Variants in SMARCA2 observed in about 807,000 individuals in gnomAD.
The protein encoded by SMARCA2 is SWI/SNF related BAF chromatin remodeling complex subunit ATPase 2, also known as SWI/SNF-related matrix-associated actin-dependent regulator of chromatin subfamily A member 2.
A neutral mutation model predicts 199.8 loss-of-function variants in SMARCA2; 61 were observed. The observed-to-expected ratio is 0.31, with a 90% CI of 0.25 to 0.38. SMARCA2 has a LOEUF of 0.38. SMARCA2 is among the 10% of genes least tolerant of loss of function. SMARCA2 has a pLI of 1.00. For missense variants in SMARCA2, 1,344 were observed against 2,012.2 expected (o/e 0.67, Z 6.35); for synonymous variants, 935 against 732.0 (o/e 1.28, Z -4.48).
At position 2,161,078 on chromosome 9, in the gene SMARCA2, C is replaced by T; in HGVS notation, c.3982-608C>T. On this transcript the variant is annotated intron_variant, in intron 27 of 33. Coordinates refer to ENST00000349721, the MANE Select transcript of SMARCA2 (RefSeq NM_003070.5). The surrounding 1 kb of genome is among the most constrained non-coding windows in gnomAD (Gnocchi z 4.7). ...TTTATTGTTTGTGAGTGTGTGTGTT[C>T]TTTATCGAATGATTTAAGTGCGTTT... 6.4e-6 allele frequency: 1 copy of T among 157,070 alleles called. No homozygotes were observed. The highest frequency in any genetic ancestry group is 1.4e-5 in the Non-Finnish European group (1 of 71,066). The allele number at this position is 157,070 out of a possible 1,614,324, so 9.7% of individuals were successfully genotyped here.
chr9:2,052,309 A>T (rs1820155173), intron 5 of SMARCA2, among the ~76,000 whole-genome samples: 1 of 152,202 alleles, frequency 6.6e-6, no homozygotes, highest in Non-Finnish European at 1.5e-5. Context: ...CCCCGTCTCT[A>T]CTAAAAATAC....
chr9:2,036,507 G>C (rs1819341431), intron 3 of SMARCA2, among the ~76,000 whole-genome samples: 1 of 152,150 alleles, frequency 6.6e-6, no homozygotes, highest in African/African-American at 2.4e-5. Flanking sequence ...AATATGTGAT[G>C]TTGTATCACT....
chr9:2,183,135 T>G (rs1563837758), intron 31 of SMARCA2, among the ~76,000 whole-genome samples: 2 of 152,194 alleles, frequency 1.3e-5, no homozygotes, highest in Non-Finnish European at 2.9e-5. Context: ...AGTAAATCAT[T>G]GAAGGTAATG....
intron 27 of SMARCA2, among the ~76,000 whole-genome samples, chr9:2,152,370 A>G (rs1315218643): frequency 6.6e-6 from 1 of 151,888 alleles, no homozygotes; most frequent in Non-Finnish European, 1.5e-5. Flanking sequence ...TCTGGCCAAC[A>G]CGATGAAAGC....
rs1821820180 is a variant in SMARCA2, at chr9:2,086,781, G to C, written c.2527-48G>C. On this transcript the variant is annotated intron_variant, in intron 17 of 33. Transcript: ENST00000349721. This position sits in a 1 kb window ranked among gnomAD's most constrained non-coding sequence, Gnocchi z 4.3. ...CACCACTTGCTTGTTGGAAATAGTTGTATTTTCCCTTGCTTACTACACGTC... is the reference window on the plus strand; with the variant it reads ...CACCACTTGCTTGTTGGAAATAGTTCTATTTTCCCTTGCTTACTACACGTC... The C allele has an allele frequency of 6.2e-7, 1 of 1,605,602 alleles. No homozygotes were observed. Among genetic ancestry groups the C allele is most frequent in the Non-Finnish European group, 8.5e-7 (1 of 1,174,976 alleles).
chr9:2,035,780 A>C (rs1819303038), intron 3 of SMARCA2, among the ~76,000 whole-genome samples: 1 of 152,266 alleles, frequency 6.6e-6, no homozygotes, highest in Non-Finnish European at 1.5e-5. Flanking sequence ...ATTAACATGT[A>C]ATATTCTCTA....
Position 2,081,703 on chromosome 9 carries a change from A to G in SMARCA2, c.2185-129A>G, listed in dbSNP as rs573810770. On this transcript the variant is annotated intron_variant, in intron 14 of 33. Coordinates refer to ENST00000349721, the MANE Select transcript of SMARCA2 (RefSeq NM_003070.5). ...TTCTTTTTGCATTGGTGCTTCCCCC[A>G]TTTTCCTACTGTGGGAAACCCAACA... is the stretch of plus-strand genomic sequence containing the variant. 87 of 715,246 alleles carry G rather than the reference A, an allele frequency of 1.2e-4. No individual in the cohort carries two copies. In the African/African-American group the frequency reaches 1.4e-3, roughly 11 times the overall value. The allele number at this position is 715,246 out of a possible 1,614,324, so 44.3% of individuals were successfully genotyped here.
chr9:2,165,285 G>C (rs370017851), intron 28 of SMARCA2, among the ~76,000 whole-genome samples: 3 of 152,322 alleles, frequency 2.0e-5, no homozygotes, highest in African/African-American at 7.2e-5. Context: ...GCTCTCATGA[G>C]ACAGTTGTTT....
chr9:2,160,078 T>A (rs1825583795), intron 27 of SMARCA2: 2 of 801,496 alleles, frequency 2.5e-6, no homozygotes, highest in East Asian at 2.7e-5. Flanking sequence ...GCTGTATTTA[T>A]TATTAGCATG....
chr9:2,141,092 C>T (rs1209486454), intron 27 of SMARCA2, among the ~76,000 whole-genome samples: 15 of 152,214 alleles, frequency 9.9e-5, no homozygotes, highest in Admixed American at 9.8e-4. Context: ...TGGCAAGTGT[C>T]ATGCCATTCC....
intron 4 of SMARCA2, 147 bp downstream of exon 4, chr9:2,040,047 A>G: frequency 7.1e-7 from 1 of 1,414,402 alleles, no homozygotes; most frequent in Non-Finnish European, 9.4e-7. Flanking sequence ...CTCCACTTAG[A>G]TGGCCAAGAT....
intron 31 of SMARCA2, among the ~76,000 whole-genome samples, chr9:2,183,681 A>G (rs1827218950): frequency 6.6e-6 from 1 of 152,210 alleles, no homozygotes; most frequent in South Asian, 2.1e-4. Flanking sequence ...AGACTTAAAC[A>G]TTTCCAAGTT....
intron 3 of SMARCA2, among the ~76,000 whole-genome samples, chr9:2,034,945 A>G (rs1223172939): frequency 6.6e-6 from 1 of 152,178 alleles, no homozygotes; most frequent in East Asian, 1.9e-4. Context: ...AAGTAAGACA[A>G]TATTTCCAGG....
chr9:2,132,920 A>G (rs1022167014), intron 27 of SMARCA2, among the ~76,000 whole-genome samples: 7 of 152,230 alleles, frequency 4.6e-5, no homozygotes, highest in African/African-American at 1.7e-4. Context: ...CCCATTTTAT[A>G]TAATTCGGGA....
intron 9 of SMARCA2, among the ~76,000 whole-genome samples, chr9:2,069,645 A>G (rs1821005860): frequency 6.6e-6 from 1 of 152,204 alleles, no homozygotes; most frequent in Admixed American, 6.5e-5. Context: ...CACATGGTAG[A>G]AATACTATAT....
At chr9:2,097,028 GTGT>G in intron 20 of SMARCA2, 1 of 511,348 alleles carries the variant, frequency 2.0e-6, no homozygotes, top group Non-Finnish European at 3.5e-6. Context: ...TTCTGCCTAA[GTGT>G]GGGGTGGCAT....
intron 24 of SMARCA2, among the ~76,000 whole-genome samples, chr9:2,111,891 G>A (rs373032473): frequency 2.2e-4 from 34 of 152,086 alleles, no homozygotes; most frequent in African/African-American, 6.3e-4. Flanking sequence ...GGGCCACTGC[G>A]TGTACTTACC....
At chr9:2,178,076 T>C (rs1052495891) in intron 29 of SMARCA2, among the ~76,000 whole-genome samples, 4 of 77,726 alleles carry the variant, frequency 5.1e-5, no homozygotes, top group Admixed American at 1.6e-4. Flanking sequence ...GTAGTGTGTG[T>C]ATATAAGCCA....
intron 27 of SMARCA2, among the ~76,000 whole-genome samples, chr9:2,127,585 G>A (rs893831700): frequency 2.0e-5 from 3 of 152,158 alleles, no homozygotes; most frequent in Non-Finnish European, 4.4e-5. Flanking sequence ...AAAACAACAT[G>A]GAGTAGTGGG....
Sources: gnomAD v4.1 joint callset for allele counts (sites outside exome capture counted in the v4.1 genomes callset) on GRCh38, gnomAD v4.1.1 for gene constraint, Gnocchi (gnomAD v3.1) non-coding constraint, MANE v1.5 for transcripts, NCBI Gene and HGNC (gene_info 2026-07-23, HGNC 2026-07-21) for gene names.